ZNF92: variants seen among roughly 807,000 people sequenced by gnomAD.
The protein encoded by ZNF92 is epididymis luminal protein 203.
ZNF92 carries 11 observed loss-of-function variants against 12.4 expected under a neutral mutation model. That is an observed-to-expected ratio of 0.89 (90% CI 0.56 to 1.47). ZNF92 has a LOEUF of 1.47. ZNF92 is among the 40% of genes most tolerant of loss of function. The probability of loss-of-function intolerance (pLI) is 0.00; values close to 1 mark genes in which losing one functional copy is unlikely to be tolerated. For missense variants in ZNF92, 622 were observed against 681.0 expected (o/e 0.91, Z 0.96); for synonymous variants, 206 against 228.6 (o/e 0.90, Z 0.89).
chr7:65,397,512 T>C (rs1328810393), intron 3 of ZNF92, among the ~76,000 whole-genome samples: 1 of 145,166 alleles, frequency 6.9e-6, no homozygotes, highest in East Asian at 2.0e-4. Context: ...ATGGTTGCTT[T>C]CTAAAAATTT....
At chr7:65,388,487 A>G (rs1793629838) in intron 2 of ZNF92, among the ~76,000 whole-genome samples, 1 of 152,012 alleles carries the variant, frequency 6.6e-6, no homozygotes, top group Non-Finnish European at 1.5e-5. Flanking sequence ...AAAAATAAAA[A>G]AATTAGCCAG....
At chr7:65,379,438 C>T (rs1245360962) in intron 1 of ZNF92, among the ~76,000 whole-genome samples, 1 of 152,032 alleles carries the variant, frequency 6.6e-6, no homozygotes, top group Non-Finnish European at 1.5e-5. Flanking sequence ...GCCCGTTGTC[C>T]TAGGATTCCA....
rs891384443 is a variant in ZNF92, at chr7:65,373,888, C to T, written c.-110C>T. 3.3e-6 allele frequency: 5 copies of T among 1,498,482 alleles called. No individual in the cohort carries two copies. The highest frequency in any genetic ancestry group is 1.1e-5 in the South Asian group (1 of 88,576). The allele number at this position is 1,498,482 out of a possible 1,614,324, so 92.8% of individuals were successfully genotyped here. A position where few individuals can be genotyped will look rare whatever the true frequency, so the allele number is the denominator to read the frequency against. The stretch of plus-strand genomic sequence containing the variant: ...CTGCAGCCGGCGCTCCACGTCTAGT[C>T]TTCACTGCTCTGCGTCCTGTGCTGA... On this transcript the variant is annotated 5_prime_UTR_variant, in exon 1 of 4. Transcript: ENST00000328747.
At chr7:65,384,057 G>A (rs1793497611) in intron 1 of ZNF92, among the ~76,000 whole-genome samples, 1 of 152,074 alleles carries the variant, frequency 6.6e-6, no homozygotes, top group African/African-American at 2.4e-5. Flanking sequence ...TTGAATGGAT[G>A]TTTATGGACA....
chr7:65,378,206 G>A (rs1262334101), intron 1 of ZNF92, among the ~76,000 whole-genome samples: 1 of 151,602 alleles, frequency 6.6e-6, no homozygotes, highest in South Asian at 2.1e-4. Flanking sequence ...GCTGAGGCAG[G>A]AGAATCCCTT....
chr7:65,380,008 CTT>C (rs905666608), intron 1 of ZNF92, among the ~76,000 whole-genome samples: 3 of 152,132 alleles, frequency 2.0e-5, no homozygotes, highest in East Asian at 1.9e-4. Context: ...TCCTGATCCT[CTT>C]TGTCCTGCCA....
intron 1 of ZNF92, among the ~76,000 whole-genome samples, chr7:65,385,607 C>T (rs1295176527): frequency 6.6e-6 from 1 of 151,928 alleles, no homozygotes; most frequent in East Asian, 1.9e-4. Flanking sequence ...CATCTGAGGA[C>T]GGGAAAGGAG....
In ZNF92 at chr7:65,398,870, T is replaced by G; in HGVS notation, c.756T>G (p.Thr252=). Reference sequence around the variant, plus strand: ...TTACTAAACATAAAATAATTCATACTGGAGAGAAACCCTACAAATGTGAAG... The same window carrying G: ...TTACTAAACATAAAATAATTCATACGGGAGAGAAACCCTACAAATGTGAAG... The part of the protein sequence containing the change: ...SNLTKHKIIH[T]GEKPYKCEEC... Residue 252 remains threonine, a synonymous_variant, in exon 4 of 4, where the codon ACT becomes ACG. Transcript: ENST00000328747. The G allele has an allele frequency of 1.2e-6, 2 of 1,612,644 alleles. No homozygotes were observed. Among genetic ancestry groups the G allele is most frequent in the Non-Finnish European group, 1.7e-6 (2 of 1,179,720 alleles).
At chr7:65,381,813 T>C (rs1196559980) in intron 1 of ZNF92, among the ~76,000 whole-genome samples, 2 of 152,116 alleles carry the variant, frequency 1.3e-5, no homozygotes, top group African/African-American at 4.8e-5. Context: ...ATTTCTCTTG[T>C]CAGCTTTGTC....
chr7:65,395,975 G>C (rs1033422217), intron 3 of ZNF92, among the ~76,000 whole-genome samples: 4 of 152,052 alleles, frequency 2.6e-5, no homozygotes, highest in African/African-American at 9.7e-5. Context: ...GCAGTGGTGT[G>C]ATCATGGCAA....
chr7:65,399,817 A>G lies in ZNF92; in HGVS notation c.1703A>G (p.Glu568Gly). 3 of 1,610,684 alleles carry G rather than the reference A, an allele frequency of 1.9e-6. No homozygotes were observed. Among genetic ancestry groups the G allele is most frequent in the Non-Finnish European group, 2.5e-6 (3 of 1,178,402 alleles). ...IYTGEKPCKH[E>G]CGRAFNKSSN... ...ACTGGAGAGAAACCCTGCAAACATG[A>G]ATGTGGCAGAGCCTTTAACAAATCC... The change falls in exon 4 of 4, where the codon GAA becomes GGA. Residue 568 changes from glutamate to glycine, a missense_variant. Coordinates refer to ENST00000328747, the MANE Select transcript of ZNF92 (RefSeq NM_152626.4).
At chr7:65,376,602 A>G (rs902147627) in intron 1 of ZNF92, among the ~76,000 whole-genome samples, 2 of 152,062 alleles carry the variant, frequency 1.3e-5, no homozygotes, top group Non-Finnish European at 2.9e-5. Flanking sequence ...GCGTGCCACC[A>G]TGCCTGGGTA....
chr7:65,378,293 C>CAA (rs56220414), intron 1 of ZNF92, among the ~76,000 whole-genome samples: 50 of 147,126 alleles, frequency 3.4e-4, no homozygotes, highest in East Asian at 8.1e-4. Context: ...GACTCTGTCT[C>CAA]AAAAAAAAAA....
intron 1 of ZNF92, among the ~76,000 whole-genome samples, chr7:65,382,108 G>A (rs1793435407): frequency 6.6e-6 from 1 of 152,040 alleles, no homozygotes; most frequent in Non-Finnish European, 1.5e-5. Context: ...TAGCCAATTA[G>A]CTTACACGGA....
intron 3 of ZNF92, among the ~76,000 whole-genome samples, chr7:65,391,559 C>G (rs540097601): frequency 6.6e-6 from 1 of 152,030 alleles, no homozygotes; most frequent in Non-Finnish European, 1.5e-5. Flanking sequence ...TAGCCTATAT[C>G]TAAGTAATAA....
chr7:65,389,579 C>T (rs1176312558), intron 3 of ZNF92, among the ~76,000 whole-genome samples: 2 of 151,742 alleles, frequency 1.3e-5, no homozygotes, highest in East Asian at 1.9e-4. Context: ...TGCAGTGGCG[C>T]GAGCTTGGCT....
chr7:65,384,295 G>T (rs867687255), intron 1 of ZNF92, among the ~76,000 whole-genome samples: 2 of 151,876 alleles, frequency 1.3e-5, no homozygotes, highest in Non-Finnish European at 2.9e-5. Context: ...TACCCCAGTG[G>T]CATAGAGAGC....
intron 1 of ZNF92, 105 bp from the exon 2 acceptor site, chr7:65,387,797 C>T (rs1396503733): frequency 8.1e-6 from 11 of 1,362,120 alleles, no homozygotes; most frequent in Non-Finnish European, 9.7e-6. Context: ...TAAGTCAGAA[C>T]TTGTTCTCTT....
Position 65,399,974 on chromosome 7 carries a change from G to A in ZNF92, c.*99G>A. 1 of 1,067,822 alleles carries A rather than the reference G, an allele frequency of 9.4e-7. No homozygotes were observed. Among genetic ancestry groups the A allele is most frequent in the East Asian group, 2.5e-5 (1 of 40,800 alleles). 66.1% of individuals were successfully genotyped at this position (1,067,822 alleles called of 1,614,324 possible). A position where few individuals can be genotyped will look rare whatever the true frequency, so the allele number is the denominator to read the frequency against. On this transcript the variant is annotated 3_prime_UTR_variant, in exon 4 of 4. Coordinates refer to ENST00000328747, the MANE Select transcript of ZNF92 (RefSeq NM_152626.4). Reference sequence around the variant, plus strand: ...AGGAATATGACAAGGACTTTAAATGGTTGTCACGCTTGATTGTAGGTAAGA... The same window carrying A: ...AGGAATATGACAAGGACTTTAAATGATTGTCACGCTTGATTGTAGGTAAGA...
Sources: gnomAD v4.1 joint callset for allele counts (sites outside exome capture counted in the v4.1 genomes callset) on GRCh38, gnomAD v4.1.1 for gene constraint, MANE v1.5 for transcripts, NCBI Gene and HGNC (gene_info 2026-07-23, HGNC 2026-07-21) for gene names.